ZNF573: variants seen among roughly 807,000 people sequenced by gnomAD.
ZNF573 encodes zinc finger protein 573.
ZNF573 carries 41 observed loss-of-function variants against 57.4 expected under a neutral mutation model. The observed-to-expected ratio is 0.71, with a 90% confidence interval of 0.56 to 0.93. The LOEUF is 0.93. ZNF573 is among the 40% of genes least tolerant of loss of function. The pLI is 0.00. For synonymous variants in ZNF573, 249 were observed against 261.0 expected, an observed-to-expected ratio of 0.95 and a Z score of 0.44; for missense variants, 730 against 794.8, an observed-to-expected ratio of 0.92 and a Z score of 0.98.
At chr19:37,767,126 CG>C (rs2045608349) in intron 4 of ZNF573, among the ~76,000 whole-genome samples, 1 of 152,156 alleles carries the variant, frequency 6.6e-6, no homozygotes, top group Non-Finnish European at 1.5e-5. Context: ...GCAACCTTCT[CG>C]GACCCCTGCT....
At chr19:37,757,396 A>C (rs1258944550) in intron 4 of ZNF573, among the ~76,000 whole-genome samples, 1 of 151,906 alleles carries the variant, frequency 6.6e-6, no homozygotes, top group Non-Finnish European at 1.5e-5. Context: ...ACGGGGTTTC[A>C]CCGTGTTAGC....
At chr19:37,751,722 G>A (rs539948423) in intron 4 of ZNF573, among the ~76,000 whole-genome samples, 29 of 137,744 alleles carry the variant, frequency 2.1e-4, no homozygotes, top group African/African-American at 6.5e-4. Context: ...ACATAGTACC[G>A]TATATATACT....
intron 4 of ZNF573, 121 bp from the exon 5 acceptor site, chr19:37,740,315 T>C: frequency 2.1e-6 from 2 of 955,424 alleles, no homozygotes; most frequent in East Asian, 2.5e-5. Context: ...TTCAAAAATA[T>C]GGTTACGAAA....
intron 4 of ZNF573, among the ~76,000 whole-genome samples, chr19:37,759,558 T>G (rs1471459294): frequency 6.6e-6 from 1 of 151,984 alleles, no homozygotes; most frequent in Admixed American, 6.6e-5. Context: ...AAACCCTGTT[T>G]CTACTAAAAA....
chr19:37,738,749 G>T lies in ZNF573; in HGVS notation c.1741C>A (p.Pro581Thr). The part of the protein sequence containing the change: ...AHQSIHADKK[P>T]YECKECGKAF... ...TTTCCACATTCTTTACATTCATAGG[G>T]TTTTTTATCAGCATGAATGCTCTGA... Residue 581 changes from proline to threonine, a missense_variant, in exon 5 of 5, where the codon CCC becomes ACC. Physicochemically the swap from Pro to Thr is conservative, Grantham distance 38. Transcript: ENST00000536220. 2 of 1,613,908 alleles carry T rather than the reference G, an allele frequency of 1.2e-6. No homozygotes were observed. Among genetic ancestry groups the T allele is most frequent in the Non-Finnish European group, 1.7e-6 (2 of 1,179,992 alleles).
At chr19:37,773,072 A>G (rs537153463) in intron 2 of ZNF573, 2 of 677,452 alleles carry the variant, frequency 3.0e-6, no homozygotes, top group African/African-American at 3.9e-5. Context: ...CAGAATGGAT[A>G]CTGATATAGG....
intron 4 of ZNF573, among the ~76,000 whole-genome samples, chr19:37,753,020 T>A (rs2045453136): frequency 6.6e-6 from 1 of 152,072 alleles, no homozygotes; most frequent in Non-Finnish European, 1.5e-5. Flanking sequence ...TTTGGGACAC[T>A]GAGGTGGGAG....
At chr19:37,769,436 A>G (rs2045633219) in intron 4 of ZNF573, among the ~76,000 whole-genome samples, 1 of 151,352 alleles carries the variant, frequency 6.6e-6, no homozygotes, top group South Asian at 2.1e-4. Flanking sequence ...ATTGCACTAA[A>G]GAAAAACGAG....
intron 4 of ZNF573, among the ~76,000 whole-genome samples, chr19:37,753,720 T>C: frequency 6.6e-6 from 1 of 152,144 alleles, no homozygotes; most frequent in Non-Finnish European, 1.5e-5. Flanking sequence ...TAGAGTTCTA[T>C]GACTTCAAAA....
chr19:37,756,496 G>A (rs1220010287), intron 4 of ZNF573, among the ~76,000 whole-genome samples: 1 of 152,108 alleles, frequency 6.6e-6, no homozygotes, highest in African/African-American at 2.4e-5. Flanking sequence ...AGGCTTATGT[G>A]CTGTCTTATG....
intron 4 of ZNF573, among the ~76,000 whole-genome samples, chr19:37,761,202 G>GA (rs58852794): frequency 0.16 from 23,657 of 150,614 alleles, 2,065 homozygotes; most frequent in Middle Eastern, 0.28. Flanking sequence ...TCTCAAAAAG[G>GA]AAAAAAAAAG....
intron 1 of ZNF573, among the ~76,000 whole-genome samples, 200 bp downstream of exon 1, chr19:37,779,344 A>G (rs2045741725): frequency 6.6e-6 from 1 of 151,880 alleles, no homozygotes; most frequent in African/African-American, 2.4e-5. Flanking sequence ...GCGCACTCAA[A>G]TACCCTCCTC....
chr19:37,775,313 T>C (rs1268619709), intron 1 of ZNF573, among the ~76,000 whole-genome samples: 1 of 152,188 alleles, frequency 6.6e-6, no homozygotes, highest in Non-Finnish European at 1.5e-5. Context: ...CTACCACGCC[T>C]GGCCTAGTTT....
chr19:37,744,752 A>G (rs1391224796), intron 4 of ZNF573, among the ~76,000 whole-genome samples: 5 of 143,062 alleles, frequency 3.5e-5, no homozygotes, highest in African/African-American at 5.9e-5. Context: ...AAAAAAAAAA[A>G]AAAAGAAAAA....
At chr19:37,770,255 T>G (rs1242902640) in intron 3 of ZNF573, among the ~76,000 whole-genome samples, 158 bp from the exon 4 acceptor site, 1 of 152,176 alleles carries the variant, frequency 6.6e-6, no homozygotes, top group Non-Finnish European at 1.5e-5. Flanking sequence ...CTTATTTTAA[T>G]GTAAACTCAT....
At chr19:37,764,063 C>CA (rs11333523) in intron 4 of ZNF573, among the ~76,000 whole-genome samples, 21,072 of 105,574 alleles carry the variant, frequency 0.2, 1,885 homozygotes, top group Middle Eastern at 0.32. Context: ...AACTCTGCCT[C>CA]AAAAAAAAAA....
intron 1 of ZNF573, among the ~76,000 whole-genome samples, chr19:37,776,603 G>A (rs2045711200): frequency 6.6e-6 from 1 of 152,108 alleles, no homozygotes; most frequent in African/African-American, 2.4e-5. Context: ...GAACCCAAAA[G>A]CAAATGCAAC....
intron 4 of ZNF573, among the ~76,000 whole-genome samples, chr19:37,752,589 C>T (rs999059912): frequency 3.3e-5 from 5 of 152,066 alleles, no homozygotes; most frequent in African/African-American, 1.2e-4. Context: ...TTGCCAGAGG[C>T]TGAGAGTGAG....
intron 1 of ZNF573, among the ~76,000 whole-genome samples, chr19:37,777,539 T>G (rs2045720771): frequency 6.6e-6 from 1 of 151,990 alleles, no homozygotes; most frequent in South Asian, 2.1e-4. Context: ...GTGAAGTAAC[T>G]CAGGAATGGA....
Sources: gnomAD v4.1 joint callset for allele counts (sites outside exome capture counted in the v4.1 genomes callset) on GRCh38, gnomAD v4.1.1 for gene constraint, MANE v1.5 for transcripts, NCBI Gene and HGNC (gene_info 2026-07-23, HGNC 2026-07-21) for gene names.